The following FZD6 variants were observed in gnomAD, a reference collection of about 807,000 sequenced individuals.
The protein encoded by FZD6 is frizzled-6.
FZD6 carries 49 observed loss-of-function variants against 61.4 expected under a neutral mutation model. That is an observed-to-expected ratio of 0.80 (90% CI 0.63 to 1.01). The LOEUF is 1.01. FZD6 is among the 50% of genes least tolerant of loss of function. FZD6 has a pLI of 0.00. For missense variants in FZD6, 724 were observed against 848.2 expected (o/e 0.85, Z 1.82); for synonymous variants, 265 against 292.2 (o/e 0.91, Z 0.95).
intron 6 of FZD6, 149 bp downstream of exon 6, chr8:103,330,214 G>A: frequency 2.8e-6 from 2 of 708,466 alleles, no homozygotes; most frequent in East Asian, 5.4e-5. Context: ...CTATAAATAT[G>A]CTATTTAGTA....
intron 2 of FZD6, among the ~76,000 whole-genome samples, chr8:103,305,093 T>C (rs1175981752): frequency 2.0e-5 from 3 of 152,240 alleles, no homozygotes; most frequent in African/African-American, 7.2e-5. Context: ...TGGTTTTCCA[T>C]TGTGTTCCTT....
In FZD6 at chr8:103,302,999, A is replaced by G. The variant is rs529151592; in HGVS notation, c.177+2715A>G. On this transcript the variant is annotated intron_variant, in intron 2 of 6. Transcript: ENST00000358755. ...AACAACAAAAACAAAGCAAAAGTTAACTCCCTAATCTTCAGTCTCTCTAGT... is the reference window on the plus strand; with the variant it reads ...AACAACAAAAACAAAGCAAAAGTTAGCTCCCTAATCTTCAGTCTCTCTAGT... Among the ~76,000 whole-genome samples, 15 of 152,154 alleles carry G rather than the reference A, an allele frequency of 9.9e-5. No homozygotes were observed. The South Asian group carries it at 3.1e-3, about 32-fold the overall frequency.
At chr8:103,301,031 G>T (rs1228648549) in intron 2 of FZD6, among the ~76,000 whole-genome samples, 1 of 152,128 alleles carries the variant, frequency 6.6e-6, no homozygotes, top group Non-Finnish European at 1.5e-5. Context: ...CTAGACACAT[G>T]CATTGTTTTT....
intron 2 of FZD6, among the ~76,000 whole-genome samples, chr8:103,318,014 C>G (rs1465244508): frequency 6.6e-6 from 1 of 152,076 alleles, no homozygotes; most frequent in Non-Finnish European, 1.5e-5. Flanking sequence ...TGCCCATTAA[C>G]AGCCAAATGG....
rs751554375 is a variant in FZD6 at position 103,324,817 on chromosome 8, CTCTG to C, written c.717_720del (p.Cys240ThrfsTer14). The C allele has an allele frequency of 3.7e-6, 6 of 1,612,322 alleles. No homozygotes were observed. Among genetic ancestry groups the C allele is most frequent in the East Asian group, 2.2e-5 (1 of 44,878 alleles). ...ACCCAGAGAGACCAATTATATATTA[CTCTG>C]TCTGTTACAGCATTGTATCTCTTAT... is the stretch of plus-strand genomic sequence containing the variant. On this transcript the variant is annotated frameshift_variant, in exon 4 of 7. Coordinates refer to ENST00000358755, the MANE Select transcript of FZD6 (RefSeq NM_003506.4). LOFTEE classifies it high-confidence loss of function.
rs766284226 is a variant in FZD6, at chr8:103,328,400, C to T, written c.1525C>T (p.Arg509Ter). ...CACAGAATGGGCTGGGTTTTTTAAA[C>T]GAAATCGCAAGAGAGAGTAAGAAAC... is the stretch of plus-strand genomic sequence containing the variant. ...TCTEWAGFFKRNRKRDPISES... is the reference protein window; with the variant it reads ...TCTEWAGFFK The change falls in exon 5 of 7, where the codon CGA becomes TGA. Residue 509 changes from arginine (R) to a stop codon, truncating the protein, a stop_gained. Coordinates refer to ENST00000358755, the MANE Select transcript of FZD6 (RefSeq NM_003506.4). LOFTEE classifies it high-confidence loss of function. The T allele has an allele frequency of 2.2e-5, 35 of 1,611,912 alleles. No individual in the cohort carries two copies. The highest frequency in any genetic ancestry group is 3.3e-5 in the Admixed American group (2 of 59,944).
At chr8:103,309,955 G>C (rs1814447589) in intron 2 of FZD6, among the ~76,000 whole-genome samples, 1 of 152,114 alleles carries the variant, frequency 6.6e-6, no homozygotes, top group Admixed American at 6.5e-5. Flanking sequence ...ATGCTCCCAA[G>C]GCGTGCTGGG....
chr8:103,303,830 T>G (rs1347561665), intron 2 of FZD6, among the ~76,000 whole-genome samples: 1 of 152,250 alleles, frequency 6.6e-6, no homozygotes, highest in Non-Finnish European at 1.5e-5. Context: ...AGAATTTGCT[T>G]AAAGAATTTG....
chr8:103,331,502 A>T lies in FZD6; in HGVS notation c.2114A>T (p.Asp705Val). ...RKEQGGGCHS[D>V]T ...GAGCAGGGAGGTGGTTGTCATTCAG[A>T]TACTTGAAGAACATTTTCTCTCGTT... Residue 705 changes from aspartate (D) to valine (V), a missense_variant, in exon 7 of 7, where the codon GAT (aspartate) becomes GTT (valine). Coordinates refer to ENST00000358755, the MANE Select transcript of FZD6 (RefSeq NM_003506.4). 6.2e-7 allele frequency: 1 copy of T among 1,607,034 alleles called. No individual in the cohort carries two copies. The highest frequency in any genetic ancestry group is 2.2e-5 in the East Asian group (1 of 44,810).
chr8:103,331,265 G>T, intron 6 of FZD6, 76 bp from the exon 7 acceptor site: 1 of 946,744 alleles, frequency 1.1e-6, no homozygotes, highest in South Asian at 1.3e-5. Context: ...CACTGGTTAG[G>T]GGTGAAACTC....
intron 2 of FZD6, among the ~76,000 whole-genome samples, chr8:103,310,901 A>T (rs940201047): frequency 7.2e-5 from 11 of 152,114 alleles, no homozygotes; most frequent in Non-Finnish European, 1.5e-4. Context: ...TAGACCAGAA[A>T]CCCAGTTCTA....
chr8:103,299,807 G>A (rs1814098191), intron 1 of FZD6, 149 bp from the exon 2 acceptor site: 1 of 374,914 alleles, frequency 2.7e-6, no homozygotes, highest in Admixed American at 3.7e-5. Context: ...TCCATGCTAA[G>A]GCAGGTGGAA....
chr8:103,312,004 G>A (rs144232869), intron 2 of FZD6, among the ~76,000 whole-genome samples: 75 of 152,244 alleles, frequency 4.9e-4, no homozygotes, highest in Non-Finnish European at 9.4e-4. Flanking sequence ...TAAAATGCTA[G>A]CATTATTTCC....
intron 2 of FZD6, among the ~76,000 whole-genome samples, chr8:103,309,235 C>T (rs1425711866): frequency 6.6e-6 from 1 of 152,204 alleles, no homozygotes; most frequent in African/African-American, 2.4e-5. Flanking sequence ...TCAGGGGCCA[C>T]TTGTTGGGAA....
chr8:103,329,980 G>C lies in FZD6; in HGVS notation c.1867G>C (p.Ala623Pro). 6.2e-7 allele frequency: 1 copy of C among 1,614,034 alleles called. No individual in the cohort carries two copies. The highest frequency in any genetic ancestry group is 8.5e-7 in the Non-Finnish European group (1 of 1,179,878). Residue 623 changes from alanine (A) to proline (P), a missense_variant, in exon 6 of 7, where the codon GCA (alanine) becomes CCA (proline). Physicochemically the swap from Ala to Pro is conservative, Grantham distance 27 (BLOSUM62 -1). Transcript: ENST00000358755. ...QDCGEPASPA[A>P]SISRLSGEQV... ...CTGTGGTGAACCTGCCTCGCCAGCA[G>C]CATCCATCTCCAGACTCTCTGGGGA...
At chr8:103,314,312 C>T (rs1814573897) in intron 2 of FZD6, among the ~76,000 whole-genome samples, 1 of 152,106 alleles carries the variant, frequency 6.6e-6, no homozygotes, top group East Asian at 1.9e-4. Context: ...ATTCTTTCCA[C>T]CAAAGGATCT....
intron 4 of FZD6, among the ~76,000 whole-genome samples, chr8:103,328,020 T>G (rs1483248619): frequency 6.6e-6 from 1 of 152,184 alleles, no homozygotes; most frequent in East Asian, 1.9e-4. Context: ...ATGCCAAGAT[T>G]TAGGAGATTA....
At chr8:103,328,598 A>G (rs1430609318) in intron 5 of FZD6, among the ~76,000 whole-genome samples, 182 bp downstream of exon 5, 2 of 151,788 alleles carry the variant, frequency 1.3e-5, no homozygotes, top group East Asian at 3.9e-4. Flanking sequence ...ATTTGTTACA[A>G]TAGTCTTTGA....
At chr8:103,303,349 T>C (rs188263135) in intron 2 of FZD6, among the ~76,000 whole-genome samples, 11 of 152,368 alleles carry the variant, frequency 7.2e-5, no homozygotes, top group African/African-American at 2.6e-4. Flanking sequence ...AGTTCTCAGT[T>C]AAAGCAATAA....
Sources: gnomAD v4.1 joint callset for allele counts (sites outside exome capture counted in the v4.1 genomes callset) on GRCh38, gnomAD v4.1.1 for gene constraint, MANE v1.5 for transcripts, NCBI Gene and HGNC (gene_info 2026-07-23, HGNC 2026-07-21) for gene names.